ADGRV1: variants seen among roughly 807,000 people sequenced by gnomAD.
ADGRV1 encodes adhesion G protein-coupled receptor V1.
A neutral mutation model predicts 596.2 loss-of-function variants in ADGRV1; 359 were observed. The observed-to-expected ratio is 0.60, with a 90% CI of 0.55 to 0.66. ADGRV1 has a LOEUF of 0.66. ADGRV1 is among the 30% of genes least tolerant of loss of function. ADGRV1 has a pLI of 0.00. For synonymous variants in ADGRV1, 2,681 were observed against 2,679.2 expected (o/e 1.00, Z -0.02); for missense variants, 7,274 against 7,575.6 (o/e 0.96, Z 1.48).
In ADGRV1 at chr5:90,617,838, C is replaced by T. The variant is rs761713406; in HGVS notation, c.242C>T (p.Thr81Ile). The T allele has an allele frequency of 6.3e-7, 1 of 1,599,120 alleles. No homozygotes were observed. The highest frequency in any genetic ancestry group is 1.7e-5 in the Admixed American group (1 of 58,024). ...YGEDAGDFFD[T>I]YAAAFIPAGE... ...GAGGACGCTGGTGACTTTTTTGACA[C>T]ATATGCTGCAGCTTTTATACCTGCC... The change falls in exon 3 of 90, where the codon ACA becomes ATA. Residue 81 changes from threonine to isoleucine, a missense_variant. By Grantham distance (89) the Thr-to-Ile change is moderately conservative. Transcript: ENST00000405460.
chr5:90,732,129 T>C (rs1378033202), intron 50 of ADGRV1, among the ~76,000 whole-genome samples: 3 of 152,128 alleles, frequency 2.0e-5, no homozygotes, highest in Admixed American at 2.0e-4. Context: ...GCCTCCTGAA[T>C]AGCTAGGACT....
chr5:90,992,888 A>G (rs1781084181), intron 85 of ADGRV1, among the ~76,000 whole-genome samples: 1 of 152,174 alleles, frequency 6.6e-6, no homozygotes, highest in South Asian at 2.1e-4. Flanking sequence ...TTTTAAACTT[A>G]TAGAAAAATT....
At chr5:90,981,237 T>C (rs191481096) in intron 84 of ADGRV1, among the ~76,000 whole-genome samples, 2 of 152,248 alleles carry the variant, frequency 1.3e-5, no homozygotes, top group East Asian at 3.9e-4. Flanking sequence ...GGAGTGGGCT[T>C]CCAGGTCATA....
chr5:90,824,166 T>C (rs1763866102), intron 76 of ADGRV1, among the ~76,000 whole-genome samples: 1 of 152,256 alleles, frequency 6.6e-6, no homozygotes, highest in Admixed American at 6.5e-5. Context: ...TATTACTTAC[T>C]AAGTGATTTT....
chr5:90,610,346 G>T (rs758009875), intron 1 of ADGRV1, among the ~76,000 whole-genome samples: 1 of 151,950 alleles, frequency 6.6e-6, no homozygotes, highest in Non-Finnish European at 1.5e-5. Flanking sequence ...AACAGCAATA[G>T]GAATAAATTA....
intron 42 of ADGRV1, 129 bp from the exon 43 acceptor site, chr5:90,716,338 T>G: frequency 1.9e-6 from 1 of 530,102 alleles, no homozygotes; most frequent in Non-Finnish European, 3.1e-6. Context: ...CTGTCATTTT[T>G]AAGATCATCT....
rs772339695 is a variant in ADGRV1, at chr5:90,643,813, A to G, written c.2564A>G (p.His855Arg). The G allele has an allele frequency of 5.0e-6, 8 of 1,600,402 alleles. No individual in the cohort carries two copies. Among genetic ancestry groups the G allele is most frequent in the Non-Finnish European group, 6.8e-6 (8 of 1,173,304 alleles). ...ACACATTCACTTTAGTTGGATGAACACTACTGGGTGGTCCTCAGCAGCCAC... is the reference window on the plus strand; with the variant it reads ...ACACATTCACTTTAGTTGGATGAACGCTACTGGGTGGTCCTCAGCAGCCAC... ...RLDGIPELDE[H>R]YWVVLSSHGE... The change falls in exon 14 of 90, where the codon CAC becomes CGC. Residue 855 changes from histidine to arginine, a missense_variant. His to Arg is a conservative substitution (Grantham distance 29, BLOSUM62 0). This residue lies in a region of ADGRV1 where 1,715 missense variants were observed against 1,708.8 expected (regional missense o/e 1.00). Coordinates refer to ENST00000405460, the MANE Select transcript of ADGRV1 (RefSeq NM_032119.4).
intron 48 of ADGRV1, among the ~76,000 whole-genome samples, chr5:90,727,838 C>G (rs1752003879): frequency 6.6e-6 from 1 of 152,162 alleles, no homozygotes; most frequent in Non-Finnish European, 1.5e-5. Flanking sequence ...AGTCTTTATT[C>G]AGATAATGAC....
At chr5:91,086,627 T>G (rs972162521) in intron 86 of ADGRV1, among the ~76,000 whole-genome samples, 1 of 152,138 alleles carries the variant, frequency 6.6e-6, no homozygotes, top group African/African-American at 2.4e-5. Context: ...ATTTTTAAGC[T>G]CTCTTACTCT....
intron 1 of ADGRV1, 80 bp from the exon 2 acceptor site, chr5:90,614,755 T>G: frequency 9.5e-7 from 1 of 1,052,168 alleles, no homozygotes; most frequent in Non-Finnish European, 1.4e-6. Flanking sequence ...TCATACTATG[T>G]TTATATCTAT....
intron 21 of ADGRV1, among the ~76,000 whole-genome samples, chr5:90,662,718 G>A (rs1029818809): frequency 2.6e-5 from 4 of 151,470 alleles, no homozygotes; most frequent in African/African-American, 7.3e-5. Flanking sequence ...CCACTAACTC[G>A]TCATCTAGCA....
At position 91,155,438 on chromosome 5, in the gene ADGRV1, G is replaced by A. The variant is rs868241315; in HGVS notation, c.18802+2040G>A. ...AGGCAGGCCTGACAGGTAGCTTGCC[G>A]GCACCATCAATAATCTACTAGAGTT... On this transcript the variant is annotated intron_variant, in intron 89 of 89. Transcript: ENST00000405460. 3.3e-5 allele frequency among the ~76,000 whole-genome samples: 5 copies of A among 152,238 alleles called. No homozygotes were observed. The South Asian group carries it at 6.2e-4, about 19-fold the overall frequency.
chr5:90,761,907 G>C (rs968312676), intron 58 of ADGRV1, among the ~76,000 whole-genome samples: 1 of 151,938 alleles, frequency 6.6e-6, no homozygotes, highest in African/African-American at 2.4e-5. Flanking sequence ...AAAGTTTCTT[G>C]GTAACATGAA....
intron 59 of ADGRV1, among the ~76,000 whole-genome samples, chr5:90,771,682 T>C (rs1239941552): frequency 6.6e-6 from 1 of 152,212 alleles, no homozygotes; most frequent in East Asian, 1.9e-4. Flanking sequence ...TTTATATTTC[T>C]ATTTTCCTGA....
chr5:90,602,791 A>G (rs1221421420), intron 1 of ADGRV1, among the ~76,000 whole-genome samples: 1 of 152,204 alleles, frequency 6.6e-6, no homozygotes, highest in African/African-American at 2.4e-5. Flanking sequence ...TATGCTTTGT[A>G]TTTCTGTTGT....
intron 31 of ADGRV1, among the ~76,000 whole-genome samples, chr5:90,691,564 T>C (rs1453254223): frequency 6.6e-6 from 1 of 151,672 alleles, no homozygotes; most frequent in Non-Finnish European, 1.5e-5. Context: ...TTTGTATTTT[T>C]AATAGAAACG....
intron 86 of ADGRV1, among the ~76,000 whole-genome samples, chr5:91,082,577 G>A (rs1220953947): frequency 2.0e-5 from 3 of 152,068 alleles, no homozygotes; most frequent in African/African-American, 7.2e-5. Flanking sequence ...CTACTCTTGG[G>A]TAATGAAAAT....
At chr5:90,970,148 G>A (rs997914088) in intron 84 of ADGRV1, among the ~76,000 whole-genome samples, 14 of 152,212 alleles carry the variant, frequency 9.2e-5, no homozygotes, top group African/African-American at 2.4e-4. Flanking sequence ...GTCTGAGATC[G>A]AAGTGCAAGG....
chr5:90,568,182 T>C (rs1043416237), intron 1 of ADGRV1, among the ~76,000 whole-genome samples: 1 of 152,136 alleles, frequency 6.6e-6, no homozygotes, highest in Non-Finnish European at 1.5e-5. Context: ...CCTGTTTTTT[T>C]CTACTTTCTT....
Sources: gnomAD v4.1 joint callset for allele counts (sites outside exome capture counted in the v4.1 genomes callset) on GRCh38, gnomAD v4.1.1 for gene constraint, gnomAD v4.1.1 regional missense constraint, MANE v1.5 for transcripts, NCBI Gene and HGNC (gene_info 2026-07-23, HGNC 2026-07-21) for gene names.